CSMD3: variants seen among roughly 807,000 people sequenced by gnomAD.
CSMD3 encodes CUB and Sushi multiple domains 3, also known as CUB and sushi domain-containing protein 3.
A neutral mutation model predicts 435.2 loss-of-function variants in CSMD3; 177 were observed. The ratio of observed to expected loss-of-function variants is 0.41; its 90% CI spans 0.36 to 0.46. The LOEUF (loss-of-function observed/expected upper bound fraction) is 0.46, where lower values mean the gene tolerates loss of function less well. Ranked by LOEUF, CSMD3 falls within the 20% of genes least tolerant of loss-of-function variation. The pLI is 0.34. For synonymous variants in CSMD3, 1,656 were observed against 1,520.5 expected, an observed-to-expected ratio of 1.09 and a Z score of -2.07; for missense variants, 4,265 against 4,504.6, an observed-to-expected ratio of 0.95 and a Z score of 1.52.
At chr8:112,819,479 G>C (rs1473011009) in intron 12 of CSMD3, among the ~76,000 whole-genome samples, 2 of 152,168 alleles carry the variant, frequency 1.3e-5, no homozygotes, top group Admixed American at 1.3e-4. Flanking sequence ...TGCTATCACA[G>C]AGTCCTAGAG....
intron 2 of CSMD3, among the ~76,000 whole-genome samples, chr8:113,296,894 TA>T (rs2132559753): frequency 6.6e-6 from 1 of 152,220 alleles, no homozygotes; most frequent in South Asian, 2.1e-4. Context: ...AACAACTAGA[TA>T]AAAAATTTAG....
chr8:112,879,612 T>A (rs1055470168), intron 10 of CSMD3, among the ~76,000 whole-genome samples: 1 of 152,078 alleles, frequency 6.6e-6, no homozygotes, highest in Non-Finnish European at 1.5e-5. Context: ...CTGGGGGGCA[T>A]CACGGAACCT....
At chr8:112,922,692 AATGACAGGGCTCC>A (rs1421154356) in intron 9 of CSMD3, among the ~76,000 whole-genome samples, 1 of 151,988 alleles carries the variant, frequency 6.6e-6, no homozygotes, top group African/African-American at 2.4e-5. Flanking sequence ...CGTTGTTGCA[AATGACAGGGCTCC>A]ATACATTTTA....
At chr8:112,322,663 T>C (rs1823109333) in intron 45 of CSMD3, among the ~76,000 whole-genome samples, 1 of 152,054 alleles carries the variant, frequency 6.6e-6, no homozygotes, top group Admixed American at 6.6e-5. Context: ...CAATTCTATA[T>C]TGCCAGGCTA....
chr8:113,052,617 A>C lies in CSMD3; in HGVS notation c.918-33438T>G, dbSNP rs529728574. 4.6e-5 allele frequency among the ~76,000 whole-genome samples: 7 copies of C among 152,292 alleles called. No individual in the cohort carries two copies. In the East Asian group the frequency reaches 1.4e-3, roughly 29 times the overall value. On this transcript the variant is annotated intron_variant, in intron 5 of 70. Transcript: ENST00000297405. ...AACGTAGCAAGACTCTCTGTCTCTA[A>C]AAATTTAAAAATTAGCTGGTCATGA... is the stretch of plus-strand genomic sequence containing the variant.
chr8:112,616,327 T>A (rs1313678089), intron 22 of CSMD3, among the ~76,000 whole-genome samples: 1 of 152,026 alleles, frequency 6.6e-6, no homozygotes, highest in East Asian at 1.9e-4. Flanking sequence ...TTAGTGGTAT[T>A]TTTATTTTAA....
intron 32 of CSMD3, among the ~76,000 whole-genome samples, chr8:112,414,733 G>A (rs929647114): frequency 6.6e-6 from 1 of 152,126 alleles, no homozygotes; most frequent in South Asian, 2.1e-4. Flanking sequence ...GAATGGCTTT[G>A]ACCAAAATGC....
At chr8:112,848,072 A>T (rs1040991861) in intron 11 of CSMD3, among the ~76,000 whole-genome samples, 2 of 152,152 alleles carry the variant, frequency 1.3e-5, no homozygotes, top group Non-Finnish European at 2.9e-5. Context: ...CTTTACCTGA[A>T]TTTAAGTTTG....
chr8:113,182,242 A>G (rs1290924709), intron 3 of CSMD3, among the ~76,000 whole-genome samples: 1 of 152,096 alleles, frequency 6.6e-6, no homozygotes, highest in Non-Finnish European at 1.5e-5. Flanking sequence ...ATGCTAAAGG[A>G]AGACTATTTT....
At position 113,292,959 on chromosome 8, in the gene CSMD3, A is replaced by C. The variant is rs117041383; in HGVS notation, c.402-14255T>G. Among the ~76,000 whole-genome samples the C allele has an allele frequency of 2.6e-3, 389 of 151,938 alleles. 2 individuals carry two copies. Among genetic ancestry groups the C allele is most frequent in the Non-Finnish European group, 4.3e-3 (290 of 67,914 alleles). ...TTTTTGTAACCTATCAACCAACCAA[A>C]CAAACTGTTCCAGCAGGCATTTTGT... On this transcript the variant is annotated intron_variant, in intron 2 of 70. Coordinates refer to ENST00000297405, the MANE Select transcript of CSMD3 (RefSeq NM_198123.2).
intron 22 of CSMD3, among the ~76,000 whole-genome samples, chr8:112,628,185 C>T (rs1434961057): frequency 6.6e-6 from 1 of 152,090 alleles, no homozygotes; most frequent in East Asian, 1.9e-4. Flanking sequence ...ACTTTTTTAA[C>T]TCATTGAAAA....
In CSMD3 at chr8:112,760,428, A is replaced by T. The variant is rs529736965; in HGVS notation, c.1972+39734T>A. 2.0e-5 allele frequency among the ~76,000 whole-genome samples: 3 copies of T among 152,322 alleles called. No individual in the cohort carries two copies. In the South Asian group the frequency reaches 6.2e-4, roughly 32 times the overall value. ...AAAAATGAAATGTGTCAGTTGTCAC[A>T]TTATTTTCTTCATTTATACTTCATG... On this transcript the variant is annotated intron_variant, in intron 13 of 70. Transcript: ENST00000297405.
At position 112,306,159 on chromosome 8, in the gene CSMD3, T is replaced by C. The variant is rs1423407460; in HGVS notation, c.7919A>G (p.Asn2640Ser). ...ISCGIPKAPTNGGILTTDYLV... is the reference protein window; with the variant it reads ...ISCGIPKAPTSGGILTTDYLV... ...ATAGTCTGTTGTTAGTATTCCTCCA[T>C]TTGTTGGAGCTTTAGGAATCCCACA... The change falls in exon 51 of 71, where the codon AAT becomes AGT. Residue 2640 changes from asparagine (N) to serine (S), a missense_variant. Asn to Ser is a conservative substitution (Grantham distance 46, BLOSUM62 1). Coordinates refer to ENST00000297405, the MANE Select transcript of CSMD3 (RefSeq NM_198123.2). 6.2e-7 allele frequency: 1 copy of C among 1,613,568 alleles called. No homozygotes were observed.
At chr8:113,238,284 A>G (rs563023151) in intron 3 of CSMD3, among the ~76,000 whole-genome samples, 1 of 152,280 alleles carries the variant, frequency 6.6e-6, no homozygotes, top group East Asian at 1.9e-4. Flanking sequence ...GGGATACCTT[A>G]TGAATGAAAG....
intron 1 of CSMD3, among the ~76,000 whole-genome samples, chr8:113,365,349 T>C (rs2094304465): frequency 6.6e-6 from 1 of 152,066 alleles, no homozygotes; most frequent in Non-Finnish European, 1.5e-5. Flanking sequence ...TAAAATAATA[T>C]ATTTTCATAG....
intron 22 of CSMD3, among the ~76,000 whole-genome samples, chr8:112,634,279 T>C (rs2074596565): frequency 6.6e-6 from 1 of 151,834 alleles, no homozygotes; most frequent in Non-Finnish European, 1.5e-5. Flanking sequence ...CACATACGTG[T>C]GTTTAGAATC....
At chr8:112,320,607 T>C (rs914728539) in intron 45 of CSMD3, among the ~76,000 whole-genome samples, 4 of 151,816 alleles carry the variant, frequency 2.6e-5, no homozygotes, top group African/African-American at 4.8e-5. Context: ...GTCATTTACA[T>C]TAGGTATATC....
chr8:113,387,375 C>T (rs1462484809), intron 1 of CSMD3, among the ~76,000 whole-genome samples: 5 of 151,670 alleles, frequency 3.3e-5, no homozygotes, highest in African/African-American at 1.2e-4. Flanking sequence ...ATCACTTGTC[C>T]AATTTATACA....
At chr8:113,179,523 G>A (rs2092393891) in intron 3 of CSMD3, among the ~76,000 whole-genome samples, 2 of 151,712 alleles carry the variant, frequency 1.3e-5, no homozygotes, top group Non-Finnish European at 3.0e-5. Flanking sequence ...ACTTTCAGCA[G>A]AAAATTTGTA....
Sources: gnomAD v4.1 joint callset for allele counts (sites outside exome capture counted in the v4.1 genomes callset) on GRCh38, gnomAD v4.1.1 for gene constraint, MANE v1.5 for transcripts, NCBI Gene and HGNC (gene_info 2026-07-23, HGNC 2026-07-21) for gene names.